DYNC2H1: variants seen among roughly 807,000 people sequenced by gnomAD.
DYNC2H1 encodes dynein cytoplasmic 2 heavy chain 1.
A neutral mutation model predicts 570.0 loss-of-function variants in DYNC2H1; 410 were observed. That is an observed-to-expected ratio of 0.72 (90% CI 0.66 to 0.78). The LOEUF (loss-of-function observed/expected upper bound fraction) is 0.78, where lower values mean the gene tolerates loss of function less well. DYNC2H1 is among the 30% of genes least tolerant of loss of function. DYNC2H1 has a pLI of 0.00. For synonymous variants in DYNC2H1, 1,688 were observed against 1,677.6 expected, an observed-to-expected ratio of 1.01 and a Z score of -0.15; for missense variants, 4,865 against 5,046.4, an observed-to-expected ratio of 0.96 and a Z score of 1.09.
chr11:103,168,702 T>G (rs973413675), intron 31 of DYNC2H1, 53 bp from the exon 32 acceptor site: 3 of 1,553,692 alleles, frequency 1.9e-6, no homozygotes, highest in Admixed American at 3.5e-5. Context: ...ATAAATTATA[T>G]AAATCACAGG....
intron 56 of DYNC2H1, among the ~76,000 whole-genome samples, chr11:103,220,301 T>C (rs1863537525): frequency 6.6e-6 from 1 of 152,210 alleles, no homozygotes; most frequent in Non-Finnish European, 1.5e-5. Context: ...TAAGATATAC[T>C]GTTAAGCTCT....
chr11:103,474,307 G>A (rs1200603811), intron 88 of DYNC2H1, among the ~76,000 whole-genome samples: 9 of 152,052 alleles, frequency 5.9e-5, no homozygotes, highest in Non-Finnish European at 1.2e-4. Context: ...TTAGAACTCC[G>A]ATTTCCTATC....
At chr11:103,251,969 G>C (rs1864850651) in intron 65 of DYNC2H1, among the ~76,000 whole-genome samples, 1 of 148,860 alleles carries the variant, frequency 6.7e-6, no homozygotes, top group Non-Finnish European at 1.5e-5. Flanking sequence ...TGCCCACCAG[G>C]CTTGAGTACA....
chr11:103,139,428 G>A (rs921694837), intron 17 of DYNC2H1, among the ~76,000 whole-genome samples: 25 of 151,674 alleles, frequency 1.6e-4, no homozygotes, highest in African/African-American at 5.8e-4. Flanking sequence ...TGTTCTCGTT[G>A]GTTTCAAAGA....
At chr11:103,270,813 T>G (rs2135306719) in intron 70 of DYNC2H1, among the ~76,000 whole-genome samples, 1 of 152,270 alleles carries the variant, frequency 6.6e-6, no homozygotes, top group Admixed American at 6.5e-5. Context: ...TATGAGTTCT[T>G]TGTTTTTGGG....
rs958614748 is a variant in DYNC2H1, at chr11:103,148,562, A to C, written c.2891A>C (p.Glu964Ala). 1 of 1,570,022 alleles carries C rather than the reference A, an allele frequency of 6.4e-7. No homozygotes were observed. The highest frequency in any genetic ancestry group is 8.7e-7 in the Non-Finnish European group (1 of 1,155,958). The change falls in exon 20 of 89, where the codon GAA becomes GCA. Residue 964 changes from glutamate to alanine, a missense_variant. This residue lies in a region of DYNC2H1 where 1,936 missense variants were observed against 1,962.1 expected (regional missense o/e 0.99). Coordinates refer to ENST00000375735, the MANE Select transcript of DYNC2H1 (RefSeq NM_001377.3). Reference sequence around the variant, plus strand: ...TTAACAATTATGCCCCAGTCTGTGGAAGAAATTGGTGATGCAAATCTACAA... The same window carrying C: ...TTAACAATTATGCCCCAGTCTGTGGCAGAAATTGGTGATGCAAATCTACAA... ...EVLTIMPQSV[E>A]EIGDANLQYS...
rs750251551 is a variant in DYNC2H1, at chr11:103,191,622, G to A, written c.7540+3G>A. The A allele has an allele frequency of 1.6e-5, 25 of 1,596,294 alleles. No individual in the cohort carries two copies. The highest frequency in any genetic ancestry group is 2.1e-5 in the Non-Finnish European group (24 of 1,169,112). On this transcript the variant is annotated splice_donor_region_variant and intron_variant, in intron 46 of 88. Transcript: ENST00000375735. Reference sequence around the variant, plus strand: ...ATTTAGATATGATTTAGAAGGAGGTGAGTTTTGCTAGTGTGTATCTTGTGT... The same window carrying A: ...ATTTAGATATGATTTAGAAGGAGGTAAGTTTTGCTAGTGTGTATCTTGTGT...
At chr11:103,190,565 TGTC>T (rs1187443359) in intron 45 of DYNC2H1, among the ~76,000 whole-genome samples, 8 of 152,216 alleles carry the variant, frequency 5.3e-5, no homozygotes, top group Non-Finnish European at 5.9e-5. Flanking sequence ...GGTGAAAGAA[TGTC>T]TTCTTAGATA....
chr11:103,428,331 G>T (rs1475876656), intron 84 of DYNC2H1, among the ~76,000 whole-genome samples: 2 of 151,786 alleles, frequency 1.3e-5, no homozygotes, highest in Non-Finnish European at 2.9e-5. Context: ...CGAGGCTCTG[G>T]AGATAGGAAA....
chr11:103,165,647 T>C (rs1343371592), intron 30 of DYNC2H1, among the ~76,000 whole-genome samples: 1 of 152,198 alleles, frequency 6.6e-6, no homozygotes, highest in Admixed American at 6.5e-5. Flanking sequence ...TAGTGGGTTA[T>C]AGGACCAGAA....
intron 85 of DYNC2H1, among the ~76,000 whole-genome samples, chr11:103,441,001 C>A (rs1392944140): frequency 6.6e-6 from 1 of 152,152 alleles, no homozygotes. Context: ...TGTTAAAGCA[C>A]AGCTCAGATT....
chr11:103,373,260 T>C (rs1941248651), intron 83 of DYNC2H1, among the ~76,000 whole-genome samples: 1 of 152,202 alleles, frequency 6.6e-6, no homozygotes, highest in African/African-American at 2.4e-5. Context: ...TAATTTATCT[T>C]GGTAGATTGT....
intron 13 of DYNC2H1, among the ~76,000 whole-genome samples, chr11:103,131,789 C>T (rs1293682337): frequency 6.6e-6 from 1 of 152,094 alleles, no homozygotes; most frequent in Non-Finnish European, 1.5e-5. Flanking sequence ...TGACAAACTA[C>T]TGTCATTTGA....
At position 103,186,412 on chromosome 11, in the gene DYNC2H1, G is replaced by T; in HGVS notation, c.6804G>T (p.Met2268Ile). 3 of 1,612,810 alleles carry T rather than the reference G, an allele frequency of 1.9e-6. No individual in the cohort carries two copies. Among genetic ancestry groups the T allele is most frequent in the Non-Finnish European group, 2.5e-6 (3 of 1,179,196 alleles). Residue 2268 changes from methionine (M) to isoleucine (I), a missense_variant, in exon 42 of 89, where the codon ATG becomes ATT. Around this residue, in one of 5 missense-constraint regions of DYNC2H1, gnomAD observed 2,401 missense variants for 2,454.6 expected, o/e 0.98. Transcript: ENST00000375735. This position sits in a 1 kb window ranked among gnomAD's most constrained non-coding sequence, Gnocchi z 4.5. ...TTCCAGTCATTCAGACTCCTGACAT[G>T]CAACGAGGTCTAGATTATTTCAAAC... Reference protein sequence around the residue: ...LTLPVIQTPDMQRGLDYFKPW... With the variant: ...LTLPVIQTPDIQRGLDYFKPW...
chr11:103,215,635 C>T, intron 54 of DYNC2H1, 86 bp from the exon 55 acceptor site: 1 of 1,331,892 alleles, frequency 7.5e-7, no homozygotes, highest in Non-Finnish European at 9.8e-7. Context: ...AACATGTTTG[C>T]TTGATTCTTT....
rs1424319584 is a variant in DYNC2H1, at chr11:103,176,258, C to G, written c.5698C>G (p.Gln1900Glu). Residue 1900 changes from glutamine (Q) to glutamate (E), a missense_variant, in exon 37 of 89, where the codon CAA becomes GAA. Physicochemically the swap from Gln to Glu is conservative, Grantham distance 29. Coordinates refer to ENST00000375735, the MANE Select transcript of DYNC2H1 (RefSeq NM_001377.3). ...QNANESHIVV[Q>E]ALRLNTMSKF... Reference sequence around the variant, plus strand: ...AGCTAATGAAAGTCATATTGTGGTACAAGCACTGAGGCTTAATACCATGTC... The same window carrying G: ...AGCTAATGAAAGTCATATTGTGGTAGAAGCACTGAGGCTTAATACCATGTC... The G allele has an allele frequency of 6.6e-7, 1 of 1,520,014 alleles. No homozygotes were observed. The highest frequency in any genetic ancestry group is 1.3e-5 in the South Asian group (1 of 75,402). 94.2% of individuals were successfully genotyped at this position (1,520,014 alleles called of 1,614,324 possible). A position where few individuals can be genotyped will look rare whatever the true frequency, so the allele number is the denominator to read the frequency against.
intron 6 of DYNC2H1, among the ~76,000 whole-genome samples, chr11:103,118,745 C>T (rs1858548379): frequency 6.6e-6 from 1 of 152,162 alleles, no homozygotes; most frequent in Non-Finnish European, 1.5e-5. Flanking sequence ...GTTGATAGGT[C>T]TCCTGAAACA....
At chr11:103,463,558 T>G (rs913707568) in intron 87 of DYNC2H1, among the ~76,000 whole-genome samples, 3 of 152,140 alleles carry the variant, frequency 2.0e-5, no homozygotes, top group Non-Finnish European at 4.4e-5. Context: ...AAGACCAGCC[T>G]GAGCAACATG....
At chr11:103,453,984 A>T (rs1236939358) in intron 85 of DYNC2H1, among the ~76,000 whole-genome samples, 1 of 152,104 alleles carries the variant, frequency 6.6e-6, no homozygotes, top group Non-Finnish European at 1.5e-5. Flanking sequence ...TTCGCTAAGA[A>T]GATCTTTTAA....
Sources: gnomAD v4.1 joint callset for allele counts (sites outside exome capture counted in the v4.1 genomes callset) on GRCh38, gnomAD v4.1.1 for gene constraint, gnomAD v4.1.1 regional missense constraint, Gnocchi (gnomAD v3.1) non-coding constraint, MANE v1.5 for transcripts, NCBI Gene and HGNC (gene_info 2026-07-23, HGNC 2026-07-21) for gene names.